GALNT13: variants seen among roughly 807,000 people sequenced by gnomAD.
The protein encoded by GALNT13 is polypeptide N-acetylgalactosaminyltransferase 13.
A neutral mutation model predicts 64.2 loss-of-function variants in GALNT13; 28 were observed. The ratio of observed to expected loss-of-function variants is 0.44; its 90% CI spans 0.32 to 0.60. The LOEUF is 0.60. Among genes scored for constraint, GALNT13 ranks in the 20% least tolerant of loss-of-function variants. The pLI, the probability that GALNT13 is intolerant of heterozygous loss-of-function variation, is 0.05. For synonymous variants in GALNT13, 214 were observed against 224.6 expected (o/e 0.95, Z 0.42); for missense variants, 577 against 669.8 (o/e 0.86, Z 1.53).
chr2:153,693,441 A>G, the GALNT13 span, among the ~76,000 whole-genome samples: 1 of 152,180 alleles, frequency 6.6e-6, no homozygotes, highest in Non-Finnish European at 1.5e-5. Context: ...CATCACATGC[A>G]TCTTAAATTG....
intron 9 of GALNT13, among the ~76,000 whole-genome samples, chr2:154,343,708 T>G (rs1424406223): frequency 2.0e-5 from 3 of 152,090 alleles, no homozygotes; most frequent in African/African-American, 7.2e-5. Flanking sequence ...GGCTGTAACA[T>G]TGATATATAC....
At chr2:153,117,359 A>C in the GALNT13 span, among the ~76,000 whole-genome samples, 3 of 152,218 alleles carry the variant, frequency 2.0e-5, no homozygotes, top group African/African-American at 7.2e-5. Context: ...CTTCGTAGTT[A>C]TCAAGGCTTA....
At chr2:153,335,988 A>G in the GALNT13 span, among the ~76,000 whole-genome samples, 4 of 152,206 alleles carry the variant, frequency 2.6e-5, no homozygotes, top group Non-Finnish European at 5.9e-5. Context: ...CTATGGCTTC[A>G]GAGAGTGGAA....
chr2:153,722,560 A>G, the GALNT13 span, among the ~76,000 whole-genome samples: 14,432 of 146,232 alleles, frequency 0.099, 1,135 homozygotes, highest in African/African-American at 0.22. Context: ...TAGACCGCTA[A>G]CAAGACTAAT....
At chr2:153,519,169 TTC>T in the GALNT13 span, among the ~76,000 whole-genome samples, 1 of 152,188 alleles carries the variant, frequency 6.6e-6, no homozygotes, top group African/African-American at 2.4e-5. Flanking sequence ...CCAAACAGGA[TTC>T]TGTTGATAAA....
chr2:153,241,181 T>C, the GALNT13 span, among the ~76,000 whole-genome samples: 1 of 152,128 alleles, frequency 6.6e-6, no homozygotes, highest in African/African-American at 2.4e-5. Context: ...CTTATTTGTC[T>C]GATCACATTC....
intron 4 of GALNT13, among the ~76,000 whole-genome samples, chr2:154,151,767 G>C (rs1239472353): frequency 6.6e-6 from 1 of 151,596 alleles, no homozygotes; most frequent in African/African-American, 2.4e-5. Context: ...GCCTTTTTTT[G>C]TTTTCCATTT....
the GALNT13 span, among the ~76,000 whole-genome samples, chr2:153,710,980 G>A: frequency 1.3e-5 from 2 of 151,804 alleles, no homozygotes. Context: ...TGATAGATTT[G>A]ATGTTTTTAA....
At chr2:154,228,866 G>C (rs2105841011) in intron 4 of GALNT13, among the ~76,000 whole-genome samples, 1 of 152,132 alleles carries the variant, frequency 6.6e-6, no homozygotes, top group East Asian at 1.9e-4. Flanking sequence ...AAGGAATTTA[G>C]ATAAAACAAA....
At chr2:153,910,241 A>G (rs1688848896) in intron 2 of GALNT13, among the ~76,000 whole-genome samples, 1 of 152,062 alleles carries the variant, frequency 6.6e-6, no homozygotes, top group Non-Finnish European at 1.5e-5. Context: ...TATTCGTAGT[A>G]GTCTCTGATG....
chr2:154,428,101 A>G (rs1028291049), intron 11 of GALNT13, among the ~76,000 whole-genome samples: 9 of 152,264 alleles, frequency 5.9e-5, no homozygotes, highest in South Asian at 2.1e-4. Context: ...ATTTTTGTTG[A>G]CACACTTTTC....
the GALNT13 span, among the ~76,000 whole-genome samples, chr2:153,277,344 C>T: frequency 2.0e-5 from 3 of 152,190 alleles, no homozygotes; most frequent in African/African-American, 4.8e-5. Context: ...CTTAGGATAT[C>T]GGCCTCCAGT....
At chr2:153,833,145 C>T in the GALNT13 span, among the ~76,000 whole-genome samples, 5 of 152,126 alleles carry the variant, frequency 3.3e-5, no homozygotes, top group African/African-American at 1.2e-4. Flanking sequence ...CTCCCTGCCA[C>T]CTAGTCATTT....
the GALNT13 span, among the ~76,000 whole-genome samples, chr2:153,644,306 C>T: frequency 6.6e-6 from 1 of 152,022 alleles, no homozygotes; most frequent in Non-Finnish European, 1.5e-5. Flanking sequence ...AAAATATATT[C>T]TGAACAAGAG....
chr2:153,670,970 T>G, the GALNT13 span, among the ~76,000 whole-genome samples: 1 of 152,162 alleles, frequency 6.6e-6, no homozygotes, highest in South Asian at 2.1e-4. Flanking sequence ...ATTATCAAAT[T>G]AATGAAATAA....
At chr2:154,055,509 G>A (rs1014410754) in intron 3 of GALNT13, among the ~76,000 whole-genome samples, 1 of 152,072 alleles carries the variant, frequency 6.6e-6, no homozygotes, top group Admixed American at 6.5e-5. Flanking sequence ...TTAAAGGTAA[G>A]CAGGTAATTA....
chr2:153,409,774 A>G, the GALNT13 span, among the ~76,000 whole-genome samples: 2 of 152,164 alleles, frequency 1.3e-5, no homozygotes, highest in African/African-American at 4.8e-5. Flanking sequence ...ATATTGATGT[A>G]AAAAGAACAA....
At chr2:153,220,132 A>G in the GALNT13 span, among the ~76,000 whole-genome samples, 2 of 152,318 alleles carry the variant, frequency 1.3e-5, no homozygotes, top group East Asian at 3.9e-4. Context: ...TTAGCCAGGT[A>G]GTGGGCACTA....
intron 8 of GALNT13, among the ~76,000 whole-genome samples, chr2:154,277,608 T>TA: frequency 6.6e-6 from 1 of 152,144 alleles, no homozygotes; most frequent in Non-Finnish European, 1.5e-5. Flanking sequence ...ATACTAGGAC[T>TA]GACTCTGAGT....
Sources: gnomAD v4.1 joint callset for allele counts (sites outside exome capture counted in the v4.1 genomes callset) on GRCh38, gnomAD v4.1.1 for gene constraint, MANE v1.5 for transcripts, NCBI Gene and HGNC (gene_info 2026-07-23, HGNC 2026-07-21) for gene names.